The following NUP210L variants were observed in gnomAD, a reference collection of about 807,000 sequenced individuals.
The protein encoded by NUP210L is nucleoporin 210 like.
A neutral mutation model predicts 208.5 loss-of-function variants in NUP210L; 74 were observed. That is an observed-to-expected ratio of 0.35 (90% confidence interval 0.29 to 0.43). The LOEUF is 0.43. NUP210L is among the 20% of genes least tolerant of loss of function. The pLI is 1.00. For missense variants in NUP210L, 1,843 were observed against 2,289.4 expected (o/e 0.81, Z 3.98); for synonymous variants, 780 against 816.9 (o/e 0.95, Z 0.77).
intron 35 of NUP210L, among the ~76,000 whole-genome samples, chr1:154,007,764 CAG>C (rs1408880437): frequency 3.3e-5 from 5 of 149,984 alleles, no homozygotes; most frequent in Non-Finnish European, 5.9e-5. Flanking sequence ...TTAGTGGAGA[CAG>C]GGTTTCACCA....
At chr1:154,125,078 G>A (rs1378094488) in intron 10 of NUP210L, among the ~76,000 whole-genome samples, 32 of 152,214 alleles carry the variant, frequency 2.1e-4, no homozygotes, top group Non-Finnish European at 2.9e-5. Context: ...GCTGACATGG[G>A]AGGATCACTT....
chr1:154,001,108 TTGTATC>T, intron 36 of NUP210L, 48 bp from the exon 37 acceptor site: 3 of 1,493,088 alleles, frequency 2.0e-6, no homozygotes, highest in Non-Finnish European at 1.9e-6. Flanking sequence ...AAAATCAACT[TTGTATC>T]AGTATGTTCC....
At chr1:154,082,608 T>A (rs28696219) in intron 16 of NUP210L, among the ~76,000 whole-genome samples, 9,226 of 152,230 alleles carry the variant, frequency 0.061, 383 homozygotes, top group Admixed American at 0.12. Flanking sequence ...TCCTTTATAA[T>A]AAACTGGTAA....
At chr1:154,132,611 T>C (rs1658314407) in intron 7 of NUP210L, among the ~76,000 whole-genome samples, 1 of 152,136 alleles carries the variant, frequency 6.6e-6, no homozygotes, top group South Asian at 2.1e-4. Flanking sequence ...ATTTTAATAT[T>C]TGATACTTTG....
At chr1:154,102,025 C>A (rs1185178744) in intron 13 of NUP210L, among the ~76,000 whole-genome samples, 1 of 152,006 alleles carries the variant, frequency 6.6e-6, no homozygotes, top group Non-Finnish European at 1.5e-5. Context: ...GTGGCACGTG[C>A]ATGTAGTCCC....
intron 37 of NUP210L, chr1:153,995,913 A>G (rs1176401069): frequency 3.7e-6 from 2 of 534,054 alleles, no homozygotes. Flanking sequence ...CGAGGAGCAG[A>G]AAATTGTTGT....
At chr1:154,055,461 G>T (rs1229714002) in intron 23 of NUP210L, among the ~76,000 whole-genome samples, 1 of 152,052 alleles carries the variant, frequency 6.6e-6, no homozygotes, top group African/African-American at 2.4e-5. Context: ...ATGTTGGCCA[G>T]GCTGGTCTCA....
chr1:154,103,455 G>A (rs963613199), intron 13 of NUP210L, among the ~76,000 whole-genome samples: 3 of 150,826 alleles, frequency 2.0e-5, no homozygotes, highest in Non-Finnish European at 4.4e-5. Context: ...GGCGGATCAC[G>A]AGCTCAGGAG....
At chr1:153,994,532 G>A (rs374496368) in intron 38 of NUP210L, among the ~76,000 whole-genome samples, 30 of 151,034 alleles carry the variant, frequency 2.0e-4, no homozygotes, top group African/African-American at 7.3e-4. Flanking sequence ...GGCTGGTCTC[G>A]AACTCCTGAA....
intron 16 of NUP210L, among the ~76,000 whole-genome samples, chr1:154,076,137 C>T (rs540812397): frequency 1.7e-4 from 24 of 141,244 alleles, no homozygotes; most frequent in African/African-American, 6.3e-4. Context: ...CAGAGTCTCA[C>T]TCTGTTGCCA....
chr1:154,041,481 C>T (rs1263152150), intron 27 of NUP210L, among the ~76,000 whole-genome samples: 1 of 152,046 alleles, frequency 6.6e-6, no homozygotes, highest in Non-Finnish European at 1.5e-5. Flanking sequence ...CAAGCATGTG[C>T]CACCGCACCT....
intron 27 of NUP210L, among the ~76,000 whole-genome samples, chr1:154,036,314 ATGTGTGTGTGTGTG>A (rs57011341): frequency 0.014 from 1,483 of 108,168 alleles, 29 homozygotes; most frequent in Admixed American, 0.05. Flanking sequence ...CAGTTGGAAC[ATGTGTGTGTGTGTG>A]TGTGTGTGTG....
rs557739503 is a variant in NUP210L, at chr1:154,060,175, G to T, written c.2850+365C>A. Among the ~76,000 whole-genome samples the T allele has an allele frequency of 3.9e-5, 6 of 152,242 alleles. No individual in the cohort carries two copies. The South Asian group carries it at 1.2e-3, about 32-fold the overall frequency. ...AATTGTTTGAACCTGGGAGGTGGAG[G>T]TTGCAGTGAGCCGAGATCGCACCAC... On this transcript the variant is annotated intron_variant, in intron 20 of 39. Coordinates refer to ENST00000368559, the Ensembl canonical transcript of NUP210L.
chr1:154,143,689 G>T, intron 2 of NUP210L, 112 bp from the exon 3 acceptor site: 1 of 884,862 alleles, frequency 1.1e-6, no homozygotes. Context: ...GACTATGACT[G>T]CTGCTTTTAC....
At chr1:154,100,663 C>T (rs1168158000) in intron 13 of NUP210L, among the ~76,000 whole-genome samples, 4 of 150,698 alleles carry the variant, frequency 2.7e-5, no homozygotes, top group African/African-American at 7.3e-5. Flanking sequence ...GGATTACAGG[C>T]ACCTGCCACC....
At chr1:154,058,654 A>G in exon 21 of NUP210L, 1 of 1,613,910 alleles carries the variant, frequency 6.2e-7, no homozygotes, top group East Asian at 2.2e-5. Context: ...CAAAGATCAT[A>G]GACCTCCAAG....
intron 38 of NUP210L, 79 bp downstream of exon 38, chr1:153,994,997 C>T: frequency 2.2e-6 from 2 of 922,908 alleles, no homozygotes; most frequent in Non-Finnish European, 3.3e-6. Context: ...GGGCGACAGA[C>T]TTAAACTCCA....
chr1:154,071,431 A>C (rs1053701929), intron 16 of NUP210L, among the ~76,000 whole-genome samples: 3 of 151,372 alleles, frequency 2.0e-5, no homozygotes, highest in Non-Finnish European at 4.4e-5. Flanking sequence ...GTAGTCTTTT[A>C]TCTCTTACCC....
chr1:154,121,735 C>T (rs1037605901), intron 10 of NUP210L, among the ~76,000 whole-genome samples: 4 of 151,852 alleles, frequency 2.6e-5, no homozygotes, highest in East Asian at 1.9e-4. Flanking sequence ...GGCATGGTGG[C>T]GGGCGCCTGT....
Sources: allele counts gnomAD v4.1 joint callset (sites outside exome capture counted in the v4.1 genomes callset), GRCh38; gene constraint gnomAD v4.1.1; transcripts MANE v1.5; gene names NCBI Gene and HGNC (gene_info 2026-07-23, HGNC 2026-07-21).